MYLK: variants seen among roughly 807,000 people sequenced by gnomAD.
MYLK encodes myosin light chain kinase, also known as myosin light chain kinase, smooth muscle.
Under a neutral mutation model 203.4 loss-of-function variants are expected in MYLK, and 106 were observed. That is an observed-to-expected ratio of 0.52 (90% CI 0.45 to 0.61). The LOEUF is 0.61. Ranked by LOEUF, MYLK falls within the 20% of genes least tolerant of loss-of-function variation. The pLI is 0.00. For missense variants in MYLK, 2,072 were observed against 2,442.3 expected (o/e 0.85, Z 3.20); for synonymous variants, 867 against 959.5 (o/e 0.90, Z 1.78).
chr3:123,735,225 G>T, intron 9 of MYLK, 173 bp downstream of exon 9: 1 of 863,398 alleles, frequency 1.2e-6, no homozygotes, highest in Non-Finnish European at 2.0e-6. Flanking sequence ...TAGAACCCGT[G>T]TGTCATATTA....
intron 12 of MYLK, among the ~76,000 whole-genome samples, chr3:123,724,670 G>A (rs2108751380): frequency 6.6e-6 from 1 of 152,302 alleles, no homozygotes; most frequent in South Asian, 2.1e-4. Flanking sequence ...ATACATCAAT[G>A]ACGCAGACAC....
At position 123,855,548 on chromosome 3, in the gene MYLK, A is replaced by G. The variant is rs952554228; in HGVS notation, c.-127+21011T>C. On this transcript the variant is annotated intron_variant, in intron 2 of 33. Transcript: ENST00000360304. Reference sequence around the variant, plus strand: ...TAGCTACTCAGGAGGTTGAGGTGGGAGGTTTGCTTAAGCCCAGGAGTTGGA... The same window carrying G: ...TAGCTACTCAGGAGGTTGAGGTGGGGGGTTTGCTTAAGCCCAGGAGTTGGA... Among the ~76,000 whole-genome samples the G allele has an allele frequency of 1.6e-4, 24 of 152,134 alleles. No individual in the cohort carries two copies. In the East Asian group the frequency reaches 4.4e-3, roughly 28 times the overall value.
rs989885105 is a variant in MYLK at position 123,615,237 on chromosome 3, A to C, written c.5501-888T>G. On this transcript the variant is annotated intron_variant, in intron 33 of 33. Coordinates refer to ENST00000360304, the MANE Select transcript of MYLK (RefSeq NM_053025.4). Reference sequence around the variant, plus strand: ...GACCAGCTTGGCCAACATGGCAAAAAAATAAAAATTAAAAATAGAGTACTA... The same window carrying C: ...GACCAGCTTGGCCAACATGGCAAAACAATAAAAATTAAAAATAGAGTACTA... 3.7e-4 allele frequency among the ~76,000 whole-genome samples: 56 copies of C among 152,058 alleles called. 2 individuals carry two copies. Among genetic ancestry groups the C allele is most frequent in the Admixed American group, 3.3e-3 (51 of 15,274 alleles).
intron 4 of MYLK, among the ~76,000 whole-genome samples, chr3:123,754,645 G>A (rs1237767346): frequency 6.6e-6 from 1 of 152,176 alleles, no homozygotes; most frequent in African/African-American, 2.4e-5. Flanking sequence ...ATATAAAATG[G>A]TGTGTTAACA....
intron 4 of MYLK, among the ~76,000 whole-genome samples, chr3:123,763,305 G>T (rs940281221): frequency 1.5e-4 from 23 of 152,204 alleles, no homozygotes; most frequent in Admixed American, 1.2e-3. Flanking sequence ...AACCCTCCCG[G>T]AACATTTTGT....
intron 2 of MYLK, among the ~76,000 whole-genome samples, chr3:123,847,498 G>A (rs972623090): frequency 1.2e-4 from 19 of 152,070 alleles, no homozygotes; most frequent in African/African-American, 3.1e-4. Context: ...TATTGAAAGC[G>A]AGCCTGATGT....
At position 123,709,846 on chromosome 3, in the gene MYLK, T is replaced by G. The variant is rs1576676110; in HGVS notation, c.1852A>C (p.Ser618Arg). ...AGGAAGATGGGTGCAGTGGGCTTGCTGGGAGCCACAGGCAGAAGGTACTCA... is the reference window on the plus strand; with the variant it reads ...AGGAAGATGGGTGCAGTGGGCTTGCGGGGAGCCACAGGCAGAAGGTACTCA... ...KSEYLLPVAP[S>R]KPTAPIFLQG... The change falls in exon 14 of 34, where the codon AGC (serine) becomes CGC (arginine). Residue 618 changes from serine (S) to arginine (R), a missense_variant. By Grantham distance (110) the Ser-to-Arg change is moderately radical. Transcript: ENST00000360304. 6.2e-7 allele frequency: 1 copy of G among 1,614,224 alleles called. No homozygotes were observed. Among genetic ancestry groups the G allele is most frequent in the Non-Finnish European group, 8.5e-7 (1 of 1,180,036 alleles).
intron 2 of MYLK, among the ~76,000 whole-genome samples, chr3:123,833,344 C>A (rs1352268213): frequency 2.6e-5 from 4 of 152,202 alleles, no homozygotes; most frequent in Admixed American, 6.5e-5. Flanking sequence ...TGCCACCCCC[C>A]TCAATGTATA....
In MYLK at chr3:123,706,619, T is replaced by C. The variant is rs374906560; in HGVS notation, c.2390+1135A>G. ...CCATCAATCCAGGGCTGGCATAGGA[T>C]TTTAAGAGACAGGGCATTTTCAAGG... On this transcript the variant is annotated intron_variant, in intron 16 of 33. Transcript: ENST00000360304. 1.1e-3 allele frequency among the ~76,000 whole-genome samples: 168 copies of C among 152,248 alleles called. 4 individuals carry two copies. The South Asian group carries it at 0.033, about 30-fold the overall frequency.
chr3:123,734,421 C>T, intron 9 of MYLK, 199 bp from the exon 10 acceptor site: 2 of 550,270 alleles, frequency 3.6e-6, no homozygotes, highest in Non-Finnish European at 3.1e-6. Context: ...CCATTCCCGA[C>T]ACTTGCCTGT....
intron 2 of MYLK, among the ~76,000 whole-genome samples, chr3:123,875,188 A>G (rs1413475078): frequency 6.6e-6 from 1 of 152,224 alleles, no homozygotes; most frequent in East Asian, 1.9e-4. Context: ...TGAGTTGTTC[A>G]TTATCACCTC....
chr3:123,654,923 GC>G (rs1211877942), intron 24 of MYLK, among the ~76,000 whole-genome samples: 1 of 151,854 alleles, frequency 6.6e-6, no homozygotes, highest in African/African-American at 2.4e-5. Context: ...TTGCCATGTT[GC>G]CCAGGCTACT....
chr3:123,794,147 G>A (rs919788850), intron 3 of MYLK, among the ~76,000 whole-genome samples: 4 of 152,206 alleles, frequency 2.6e-5, no homozygotes, highest in Non-Finnish European at 2.9e-5. Context: ...TCTAGGAAAG[G>A]GGAAGCTGGG....
chr3:123,734,703 T>C (rs377157751), intron 9 of MYLK: 2 of 158,582 alleles, frequency 1.3e-5, no homozygotes, highest in African/African-American at 4.8e-5. Flanking sequence ...CGTACAGACA[T>C]TGGCCTGCCA....
chr3:123,627,031 G>A, intron 30 of MYLK, 90 bp from the exon 31 acceptor site: 3 of 1,481,266 alleles, frequency 2.0e-6, no homozygotes, highest in Middle Eastern at 2.3e-4. Context: ...ACCTGTCCCT[G>A]GTCATGAGGG....
intron 18 of MYLK, among the ~76,000 whole-genome samples, chr3:123,695,092 C>T (rs2060858951): frequency 6.6e-6 from 1 of 152,128 alleles, no homozygotes; most frequent in Middle Eastern, 3.2e-3. Context: ...GAGTTGGGGG[C>T]AGAGGGGAGG....
At chr3:123,791,355 T>C (rs1560221658) in intron 4 of MYLK, among the ~76,000 whole-genome samples, 1 of 152,234 alleles carries the variant, frequency 6.6e-6, no homozygotes, top group Non-Finnish European at 1.5e-5. Context: ...AAACACCCCC[T>C]GTTTAACTTC....
At chr3:123,639,604 T>C (rs1271070027) in intron 28 of MYLK, among the ~76,000 whole-genome samples, 1 of 152,176 alleles carries the variant, frequency 6.6e-6, no homozygotes, top group Non-Finnish European at 1.5e-5. Flanking sequence ...TCTACCAAAG[T>C]GCTTTCAGGG....
chr3:123,722,206 C>T lies in MYLK; in HGVS notation c.1726G>A (p.Glu576Lys), dbSNP rs2062115226. ...AELHIQDALP[E>K]DHGTYTCLAE... ...AGGCAGGTGTAGGTGCCATGGTCCT[C>T]CGGCAGGGCATCCTGGATGTGGAGC... Residue 576 changes from glutamate (E) to lysine (K), a missense_variant, in exon 13 of 34, where the codon GAG becomes AAG. Physicochemically the swap from Glu to Lys is moderately conservative, Grantham distance 56. Transcript: ENST00000360304. The T allele has an allele frequency of 6.4e-7, 1 of 1,562,004 alleles. No homozygotes were observed. The highest frequency in any genetic ancestry group is 1.4e-5 in the African/African-American group (1 of 73,862).
Sources: allele counts gnomAD v4.1 joint callset (sites outside exome capture counted in the v4.1 genomes callset), GRCh38; gene constraint gnomAD v4.1.1; transcripts MANE v1.5; gene names NCBI Gene and HGNC (gene_info 2026-07-23, HGNC 2026-07-21).